PTPRC: variants seen among roughly 807,000 people sequenced by gnomAD.
The protein encoded by PTPRC is protein tyrosine phosphatase receptor type C.
Under a neutral mutation model 155.9 loss-of-function variants are expected in PTPRC, and 44 were observed. That is an observed-to-expected ratio of 0.28 (90% CI 0.22 to 0.36). PTPRC has a LOEUF of 0.36. Ranked by LOEUF, PTPRC falls within the 10% of genes least tolerant of loss-of-function variation. The probability of loss-of-function intolerance (pLI) is 1.00; values close to 1 mark genes in which losing one functional copy is unlikely to be tolerated. For missense variants in PTPRC, 1,401 were observed against 1,564.6 expected (o/e 0.90, Z 1.76); for synonymous variants, 525 against 533.1 (o/e 0.98, Z 0.21).
intron 14 of PTPRC, among the ~76,000 whole-genome samples, chr1:198,718,769 C>G (rs1309899359): frequency 6.6e-6 from 1 of 152,112 alleles, no homozygotes. Context: ...TCACTGTCTA[C>G]TGATCGTATT....
intron 2 of PTPRC, among the ~76,000 whole-genome samples, chr1:198,678,623 T>TG (rs1215791679): frequency 2.0e-5 from 3 of 152,202 alleles, no homozygotes; most frequent in African/African-American, 7.2e-5. Context: ...TGCACCGTGT[T>TG]GGGGTTTAGC....
intron 23 of PTPRC, among the ~76,000 whole-genome samples, chr1:198,738,036 T>A (rs1654728715): frequency 6.6e-6 from 1 of 151,954 alleles, no homozygotes; most frequent in Middle Eastern, 3.4e-3. Context: ...AATTTGTTAA[T>A]CAGTTCTAAT....
intron 27 of PTPRC, 97 bp from the exon 28 acceptor site, chr1:198,749,319 A>G: frequency 8.1e-7 from 1 of 1,232,634 alleles, no homozygotes; most frequent in African/African-American, 1.5e-5. Context: ...TCATAATACA[A>G]TCTGTCCCTT....
intron 29 of PTPRC, among the ~76,000 whole-genome samples, chr1:198,751,509 T>C (rs971112898): frequency 6.6e-6 from 1 of 152,026 alleles, no homozygotes; most frequent in African/African-American, 2.4e-5. Flanking sequence ...CCCCTTCCCC[T>C]GTACATGGAA....
At chr1:198,747,538 T>C (rs980275582) in intron 26 of PTPRC, among the ~76,000 whole-genome samples, 2 of 151,650 alleles carry the variant, frequency 1.3e-5, no homozygotes, top group South Asian at 2.1e-4. Context: ...AGTTAGGAAA[T>C]TGTTGATGTT....
intron 23 of PTPRC, among the ~76,000 whole-genome samples, chr1:198,740,299 C>T (rs1016189306): frequency 5.3e-5 from 8 of 151,698 alleles, no homozygotes; most frequent in Admixed American, 5.3e-4. Flanking sequence ...ATTGACAGGC[C>T]AGGTGCAGTG....
intron 22 of PTPRC, 141 bp from the exon 23 acceptor site, chr1:198,734,986 A>C: frequency 1.4e-6 from 1 of 704,138 alleles, no homozygotes; most frequent in South Asian, 2.1e-5. Flanking sequence ...TCACAGCTTA[A>C]GGTTTATATG....
chr1:198,731,745 A>T lies in PTPRC; in HGVS notation c.1974+19A>T. ...ATTTCAGGTGTGTGTTGCTTTTGTT[A>T]TATGATGATAAATTCGACATCAAGA... is the stretch of plus-strand genomic sequence containing the variant. On this transcript the variant is annotated intron_variant, in intron 18 of 32. Transcript: ENST00000442510. The T allele has an allele frequency of 6.5e-6, 10 of 1,534,644 alleles. No individual in the cohort carries two copies. Among genetic ancestry groups the T allele is most frequent in the Admixed American group, 1.7e-5 (1 of 59,686 alleles).
rs756806879 is a variant in PTPRC at position 198,732,586 on chromosome 1, C to CT, written c.2142+31dup. ...GTAAAAATTTGCATTTTTCTTATAC[C>CT]TACATATTTCATTCAGCTCCTTGTT... is the stretch of plus-strand genomic sequence containing the variant. On this transcript the variant is annotated intron_variant, in intron 20 of 32. Coordinates refer to ENST00000442510, the MANE Select transcript of PTPRC (RefSeq NM_002838.5). 2.0e-6 allele frequency: 3 copies of CT among 1,485,936 alleles called. No individual in the cohort carries two copies. In the South Asian group the frequency reaches 3.5e-5, roughly 17 times the overall value. The allele number at this position is 1,485,936 out of a possible 1,614,324, so 92.0% of individuals were successfully genotyped here. A position where few individuals can be genotyped will look rare whatever the true frequency, so the allele number is the denominator to read the frequency against.
intron 27 of PTPRC, among the ~76,000 whole-genome samples, chr1:198,748,509 A>T (rs937311247): frequency 6.6e-6 from 1 of 151,718 alleles, no homozygotes; most frequent in East Asian, 1.9e-4. Context: ...TCTTTTACCC[A>T]TTTTCTTTCA....
chr1:198,719,156 T>C (rs1653751566), intron 14 of PTPRC, among the ~76,000 whole-genome samples: 1 of 152,174 alleles, frequency 6.6e-6, no homozygotes, highest in South Asian at 2.1e-4. Context: ...ACTTTTTTTT[T>C]CTATAAAATT....
At chr1:198,704,810 G>T (rs939726273) in intron 8 of PTPRC, among the ~76,000 whole-genome samples, 13 of 152,048 alleles carry the variant, frequency 8.5e-5, no homozygotes, top group African/African-American at 2.7e-4. Flanking sequence ...TCAGCATCCT[G>T]CAATATACCT....
At chr1:198,669,657 A>G (rs1287028988) in intron 2 of PTPRC, among the ~76,000 whole-genome samples, 5 of 152,092 alleles carry the variant, frequency 3.3e-5, no homozygotes, top group Admixed American at 3.3e-4. Flanking sequence ...CCAGAATCTA[A>G]TCCAGACCTC....
At chr1:198,707,033 G>A (rs1653017030) in intron 9 of PTPRC, 81 bp downstream of exon 9, 1 of 1,197,106 alleles carries the variant, frequency 8.4e-7, no homozygotes, top group African/African-American at 1.5e-5. Context: ...GGTCACAGGA[G>A]CTAGTCTGGT....
intron 23 of PTPRC, among the ~76,000 whole-genome samples, chr1:198,735,915 A>T (rs552873332): frequency 6.6e-6 from 1 of 151,778 alleles, no homozygotes; most frequent in Non-Finnish European, 1.5e-5. Flanking sequence ...AAAATGTTCT[A>T]TAATTAGATA....
intron 2 of PTPRC, among the ~76,000 whole-genome samples, chr1:198,677,587 C>A (rs901655352): frequency 6.6e-6 from 1 of 151,958 alleles, no homozygotes; most frequent in Non-Finnish European, 1.5e-5. Flanking sequence ...ATAGGGTAAG[C>A]ATTCTTCCTC....
intron 2 of PTPRC, among the ~76,000 whole-genome samples, chr1:198,671,252 C>G (rs1047386139): frequency 6.6e-6 from 1 of 152,086 alleles, no homozygotes; most frequent in Non-Finnish European, 1.5e-5. Context: ...CCCCCCTCAC[C>G]CCCCTGTTTC....
chr1:198,728,241 TA>T (rs1334700868), intron 15 of PTPRC, 98 bp from the exon 16 acceptor site: 8 of 882,152 alleles, frequency 9.1e-6, no homozygotes, highest in East Asian at 2.8e-5. Context: ...ACAATAAATT[TA>T]AAAATATTAA....
chr1:198,710,609 C>T (rs1364062449), intron 11 of PTPRC, among the ~76,000 whole-genome samples: 1 of 152,122 alleles, frequency 6.6e-6, no homozygotes, highest in African/African-American at 2.4e-5. Context: ...AATTTATTTT[C>T]AAAATGTTTT....
Sources: gnomAD v4.1 joint callset for allele counts (sites outside exome capture counted in the v4.1 genomes callset) on GRCh38, gnomAD v4.1.1 for gene constraint, MANE v1.5 for transcripts, NCBI Gene and HGNC (gene_info 2026-07-23, HGNC 2026-07-21) for gene names.